The following EXOC4 variants were observed in gnomAD, a reference collection of about 807,000 sequenced individuals.
The protein encoded by EXOC4 is exocyst complex component 4, also known as SEC8-like 1.
A neutral mutation model predicts 107.2 loss-of-function variants in EXOC4; 71 were observed. That is an observed-to-expected ratio of 0.66 (90% CI 0.55 to 0.81). The LOEUF (loss-of-function observed/expected upper bound fraction) is 0.81, where lower values mean the gene tolerates loss of function less well. Among genes scored for constraint, EXOC4 ranks in the 30% least tolerant of loss-of-function variants. EXOC4 has a pLI of 0.00. For missense variants in EXOC4, 1,108 were observed against 1,189.6 expected (o/e 0.93, Z 1.01); for synonymous variants, 456 against 441.2 (o/e 1.03, Z -0.42).
intron 5 of EXOC4, among the ~76,000 whole-genome samples, chr7:133,322,375 A>G (rs1795133625): frequency 1.3e-5 from 2 of 152,314 alleles, no homozygotes; most frequent in African/African-American, 2.4e-5. Context: ...TCTTTAATAC[A>G]CCTTGAGTTA....
At chr7:133,503,550 T>TG (rs1563089618) in intron 9 of EXOC4, among the ~76,000 whole-genome samples, 2 of 152,128 alleles carry the variant, frequency 1.3e-5, no homozygotes, top group East Asian at 1.9e-4. Flanking sequence ...AGTTTAATCT[T>TG]GGGGAAAAAG....
intron 8 of EXOC4, among the ~76,000 whole-genome samples, chr7:133,476,584 GTTTA>G (rs1003251384): frequency 3.9e-4 from 59 of 152,202 alleles, no homozygotes; most frequent in African/African-American, 1.1e-3. Flanking sequence ...AGCTTCAACA[GTTTA>G]TTTATTTTGT....
rs115598460 is a variant in EXOC4 at position 133,455,892 on chromosome 7, C to A, written c.1183-19436C>A. On this transcript the variant is annotated intron_variant, in intron 7 of 17. Coordinates refer to ENST00000253861, the MANE Select transcript of EXOC4 (RefSeq NM_021807.4). The stretch of plus-strand genomic sequence containing the variant: ...CAACTCTTGCCATGTCTATTGTATC[C>A]CAAATCATACACCTTTATTATTTAT... Among the ~76,000 whole-genome samples the A allele has an allele frequency of 5.9e-3, 895 of 152,182 alleles. 9 individuals are homozygous for A. The highest frequency in any genetic ancestry group is 0.02 in the African/African-American group (849 of 41,524).
chr7:133,632,230 G>A (rs564849388), intron 10 of EXOC4, among the ~76,000 whole-genome samples: 4 of 152,206 alleles, frequency 2.6e-5, no homozygotes, highest in Admixed American at 1.3e-4. Context: ...TCAAGGCTTG[G>A]TAATACTCCC....
At chr7:133,917,078 G>A (rs1035109405) in intron 12 of EXOC4, among the ~76,000 whole-genome samples, 2 of 152,108 alleles carry the variant, frequency 1.3e-5, no homozygotes, top group Non-Finnish European at 2.9e-5. Context: ...CTTAATGATG[G>A]TATATTGGCT....
At chr7:134,069,607 C>T (rs551205445), downstream of EXOC4, among the ~76,000 whole-genome samples, 2 of 152,280 alleles carry the variant, frequency 1.3e-5, no homozygotes, top group African/African-American at 4.8e-5. Flanking sequence ...AAGCGATTCT[C>T]ACACCTCTGC....
chr7:133,545,641 T>G (rs983324531), intron 9 of EXOC4, among the ~76,000 whole-genome samples: 2 of 152,214 alleles, frequency 1.3e-5, no homozygotes, highest in African/African-American at 4.8e-5. Flanking sequence ...TATCATTCAC[T>G]TGAACCATTT....
chr7:133,959,025 T>G (rs2971970), intron 14 of EXOC4, among the ~76,000 whole-genome samples: 129,912 of 152,226 alleles, frequency 0.85, 55,947 homozygotes, highest in African/African-American at 0.96. Flanking sequence ...GGTGCAGGTG[T>G]AGGCGGGAGA....
In EXOC4 at chr7:133,551,341, T is replaced by G. The variant is rs537681610; in HGVS notation, c.1417+71203T>G. Among the ~76,000 whole-genome samples, 29 of 152,284 alleles carry G rather than the reference T, an allele frequency of 1.9e-4. 1 individual carries two copies. The South Asian group carries it at 5.6e-3, about 29-fold the overall frequency. The stretch of plus-strand genomic sequence containing the variant: ...AGCTGCCACAAACCTTACTATTGTA[T>G]ACTTGCTGATTTTGTCATTTGATTT... On this transcript the variant is annotated intron_variant, in intron 9 of 17. Coordinates refer to ENST00000253861, the MANE Select transcript of EXOC4 (RefSeq NM_021807.4).
chr7:133,479,475 A>G (rs1799101965), intron 8 of EXOC4: 1 of 152,844 alleles, frequency 6.5e-6, no homozygotes, highest in Non-Finnish European at 1.5e-5. Context: ...ACGTCAAAAA[A>G]CTAGCAGCCA....
intron 11 of EXOC4, among the ~76,000 whole-genome samples, chr7:133,881,010 T>G (rs569222717): frequency 6.6e-6 from 1 of 152,334 alleles, no homozygotes; most frequent in South Asian, 2.1e-4. Context: ...CTTCAGAGTT[T>G]GTTTGTTATA....
At chr7:133,603,481 A>G (rs1007527866) in intron 9 of EXOC4, among the ~76,000 whole-genome samples, 1 of 152,188 alleles carries the variant, frequency 6.6e-6, no homozygotes, top group Non-Finnish European at 1.5e-5. Flanking sequence ...GGTATAGCCT[A>G]CCATACACCT....
intron 4 of EXOC4, among the ~76,000 whole-genome samples, chr7:133,314,047 A>T: frequency 6.6e-6 from 1 of 152,126 alleles, no homozygotes; most frequent in East Asian, 1.9e-4. Flanking sequence ...TATAATTTTT[A>T]TTTTATTTTT....
At chr7:133,304,483 T>A (rs1330951442) in intron 3 of EXOC4, among the ~76,000 whole-genome samples, 4 of 152,228 alleles carry the variant, frequency 2.6e-5, no homozygotes, top group Non-Finnish European at 5.9e-5. Context: ...TCCTTGATTC[T>A]TTCTTGGTTA....
intron 14 of EXOC4, among the ~76,000 whole-genome samples, chr7:133,950,021 T>C (rs989265651): frequency 6.6e-6 from 1 of 152,214 alleles, no homozygotes; most frequent in Non-Finnish European, 1.5e-5. Context: ...TCTTTCTCTT[T>C]TCCAATACAT....
At chr7:134,051,368 G>A (rs1010065955) in intron 17 of EXOC4, among the ~76,000 whole-genome samples, 3 of 152,194 alleles carry the variant, frequency 2.0e-5, no homozygotes, top group Non-Finnish European at 2.9e-5. Flanking sequence ...TGGGAGAAGT[G>A]CCTTAAAAAT....
chr7:134,067,625 TTATATA>T (rs57518105), downstream of EXOC4, among the ~76,000 whole-genome samples: 1,385 of 130,834 alleles, frequency 0.011, 21 homozygotes, highest in African/African-American at 0.034. Flanking sequence ...GACCCAACTC[TTATATA>T]TATATATACA....
chr7:133,761,454 A>G (rs1796030256), intron 10 of EXOC4, among the ~76,000 whole-genome samples: 1 of 152,192 alleles, frequency 6.6e-6, no homozygotes, highest in Admixed American at 6.6e-5. Flanking sequence ...GAGTCAATCT[A>G]TAGTATTCTC....
intron 7 of EXOC4, among the ~76,000 whole-genome samples, chr7:133,380,607 T>C (rs1796596553): frequency 6.6e-6 from 1 of 151,844 alleles, no homozygotes; most frequent in Admixed American, 6.6e-5. Context: ...ATGATCTTTA[T>C]TTTTTTATTT....
Sources: gnomAD v4.1 joint callset for allele counts (sites outside exome capture counted in the v4.1 genomes callset) on GRCh38, gnomAD v4.1.1 for gene constraint, MANE v1.5 for transcripts, NCBI Gene and HGNC (gene_info 2026-07-23, HGNC 2026-07-21) for gene names.